The following NHS variants were observed in gnomAD, a reference collection of about 807,000 sequenced individuals.
NHS encodes the protein actin remodeling regulator NHS.
NHS carries 5 observed loss-of-function variants against 72.5 expected under a neutral mutation model. That is an observed-to-expected ratio of 0.07 (90% CI 0.04 to 0.14). NHS has a LOEUF of 0.14. NHS is among the 10% of genes least tolerant of loss of function. NHS has a pLI of 1.00. For missense variants in NHS, 1,072 were observed against 1,355.7 expected, an observed-to-expected ratio of 0.79 and a Z score of 3.29; for synonymous variants, 464 against 547.7, an observed-to-expected ratio of 0.85 and a Z score of 2.13.
intron 1 of NHS, among the ~76,000 whole-genome samples, chrX:17,517,655 T>C (rs1050352250): frequency 1.8e-5 from 2 of 111,796 alleles, no homozygotes; most frequent in African/African-American, 6.5e-5. Context: ...AGAGGGCTTA[T>C]TGTGTTGTAA....
intron 1 of NHS, chrX:17,585,863 CTG>C (rs1285110552): frequency 1.9e-5 from 2 of 107,774 alleles, no homozygotes; most frequent in African/African-American, 3.4e-5. Flanking sequence ...AAAAAAAGAA[CTG>C]TTTATTTTGC....
rs1158485118 is a variant in NHS at position 17,657,520 on chromosome X, G to A, written c.566-30222G>A. Among the ~76,000 whole-genome samples, 3 of 112,342 alleles carry A rather than the reference G, an allele frequency of 2.7e-5. No homozygotes were observed. In the South Asian group the frequency reaches 1.1e-3, roughly 41 times the overall value. ...CTCCCTGAGGGTGGGCCAAACTTGGGCCCCCAGACAGCCTCAGACCAGGTC... is the reference window on the plus strand; with the variant it reads ...CTCCCTGAGGGTGGGCCAAACTTGGACCCCCAGACAGCCTCAGACCAGGTC... On this transcript the variant is annotated intron_variant, in intron 1 of 8. Coordinates refer to ENST00000676302, the MANE Select transcript of NHS (RefSeq NM_001291867.2).
At chrX:17,404,830 T>C (rs2064521265) in intron 1 of NHS, among the ~76,000 whole-genome samples, 1 of 109,646 alleles carries the variant, frequency 9.1e-6, no homozygotes, top group Non-Finnish European at 1.9e-5. Context: ...TCTCTCTCTC[T>C]CCGTGGCAAT....
At chrX:17,597,137 TG>T (rs1288341227) in intron 1 of NHS, among the ~76,000 whole-genome samples, 182 of 92,330 alleles carry the variant, frequency 2.0e-3, no homozygotes, top group Non-Finnish European at 3.1e-3. Context: ...TTTTTTTTTT[TG>T]ATACGGAGTC....
chrX:17,445,853 A>AG (rs1440829865), intron 1 of NHS, among the ~76,000 whole-genome samples: 9 of 107,788 alleles, frequency 8.3e-5, no homozygotes, highest in African/African-American at 1.4e-4. Flanking sequence ...AAAAAAAAAA[A>AG]CAACAACTCA....
intron 1 of NHS, among the ~76,000 whole-genome samples, chrX:17,455,799 T>A (rs1359003551): frequency 9.8e-5 from 11 of 112,100 alleles, no homozygotes; most frequent in African/African-American, 3.6e-4. Context: ...TGTTGTCCTG[T>A]TCTTGTAAAT....
At chrX:17,487,377 G>A (rs2064971497) in intron 1 of NHS, among the ~76,000 whole-genome samples, 1 of 111,370 alleles carries the variant, frequency 9.0e-6, no homozygotes, top group Admixed American at 9.5e-5. Flanking sequence ...CTAATTTAGG[G>A]CGCCCACCCT....
At chrX:17,458,740 G>T (rs527640400) in intron 1 of NHS, among the ~76,000 whole-genome samples, 3 of 112,291 alleles carry the variant, frequency 2.7e-5, no homozygotes, top group African/African-American at 9.7e-5. Context: ...TGATCTGCCT[G>T]CCCTGGCCTC....
chrX:17,563,201 G>T (rs1290473475), intron 1 of NHS, among the ~76,000 whole-genome samples: 1 of 112,844 alleles, frequency 8.9e-6, no homozygotes, highest in African/African-American at 3.2e-5. Context: ...GTTTGGTCAA[G>T]CTAGCTGAGT....
At chrX:17,590,693 T>C (rs998158440) in intron 1 of NHS, among the ~76,000 whole-genome samples, 2 of 111,702 alleles carry the variant, frequency 1.8e-5, no homozygotes, top group African/African-American at 6.5e-5. Context: ...TCTTGCATTG[T>C]GCATGTAATG....
chrX:17,449,783 T>A (rs2064797881), intron 1 of NHS, among the ~76,000 whole-genome samples: 1 of 111,838 alleles, frequency 8.9e-6, no homozygotes, highest in Admixed American at 9.5e-5. Flanking sequence ...CAGGAAGACA[T>A]AATTGCTTAT....
At chrX:17,513,816 T>C (rs1199574350) in intron 1 of NHS, among the ~76,000 whole-genome samples, 1 of 112,484 alleles carries the variant, frequency 8.9e-6, no homozygotes. Context: ...ATATTGAATG[T>C]CAACTTGATT....
At chrX:17,415,418 C>T (rs1160508751) in intron 1 of NHS, among the ~76,000 whole-genome samples, 1 of 111,147 alleles carries the variant, frequency 9.0e-6, no homozygotes, top group Non-Finnish European at 1.9e-5. Flanking sequence ...CCTTCCCTCC[C>T]TCATTTCCTT....
chrX:17,660,928 T>C lies in NHS; in HGVS notation c.566-26814T>C, dbSNP rs2065979524. ...GGATTCCCAAAGATCTCAGGAGGAG[T>C]TGATGGTACATTAAAATGTAGGTTA... On this transcript the variant is annotated intron_variant, in intron 1 of 8. Transcript: ENST00000676302. Among the ~76,000 whole-genome samples the C allele has an allele frequency of 1.8e-5, 2 of 111,897 alleles. 1 individual carries two copies. Among genetic ancestry groups the C allele is most frequent in the South Asian group, 7.4e-4 (2 of 2,691 alleles).
chrX:17,565,799 C>T (rs760056002), intron 1 of NHS, among the ~76,000 whole-genome samples: 3 of 112,178 alleles, frequency 2.7e-5, no homozygotes, highest in South Asian at 3.7e-4. Context: ...CATGAATATA[C>T]GCCACATACA....
intron 1 of NHS, among the ~76,000 whole-genome samples, chrX:17,389,490 C>T (rs111695766): frequency 5.7e-4 from 64 of 111,788 alleles, no homozygotes; most frequent in African/African-American, 1.9e-3. Flanking sequence ...ATGACATCAT[C>T]GTGCTGGATT....
chrX:17,554,056 C>T (rs2065352073), intron 1 of NHS, among the ~76,000 whole-genome samples: 2 of 112,195 alleles, frequency 1.8e-5, no homozygotes, highest in South Asian at 7.4e-4. Context: ...TTTGGGAAAA[C>T]TCTCCCACAC....
chrX:17,619,288 T>C (rs2065761316), intron 1 of NHS, among the ~76,000 whole-genome samples: 1 of 112,604 alleles, frequency 8.9e-6, no homozygotes, highest in South Asian at 3.7e-4. Flanking sequence ...CCTGATTCCC[T>C]GAATGACTTC....
At chrX:17,500,842 G>A (rs2065033634) in intron 1 of NHS, among the ~76,000 whole-genome samples, 1 of 111,760 alleles carries the variant, frequency 8.9e-6, no homozygotes, top group Admixed American at 9.5e-5. Context: ...TCTTAGTTGA[G>A]TCCCTTACCT....
Sources: allele counts gnomAD v4.1 joint callset (sites outside exome capture counted in the v4.1 genomes callset), GRCh38; gene constraint gnomAD v4.1.1; transcripts MANE v1.5; gene names NCBI Gene and HGNC (gene_info 2026-07-23, HGNC 2026-07-21).